The following OPRM1 variants were observed in gnomAD, a reference collection of about 807,000 sequenced individuals.
OPRM1 encodes mu-type opioid receptor.
Under a neutral mutation model 31.8 loss-of-function variants are expected in OPRM1, and 27 were observed. That is an observed-to-expected ratio of 0.85 (90% CI 0.63 to 1.17). The LOEUF is 1.17. OPRM1 is among the 50% of genes most tolerant of loss of function. OPRM1 has a pLI of 0.00. For missense variants in OPRM1, 536 were observed against 511.1 expected (o/e 1.05, Z -0.47); for synonymous variants, 196 against 189.9 (o/e 1.03, Z -0.26).
intron 3 of OPRM1, among the ~76,000 whole-genome samples, chr6:154,111,808 C>G (rs1051590262): frequency 4.0e-5 from 6 of 151,866 alleles, no homozygotes; most frequent in Admixed American, 3.9e-4. Context: ...GCTCTGTCGC[C>G]CAGCTGGAGT....
chr6:154,083,869 G>A (rs932754116), intron 1 of OPRM1, among the ~76,000 whole-genome samples: 3 of 151,204 alleles, frequency 2.0e-5, no homozygotes, highest in South Asian at 2.1e-4. Flanking sequence ...GCGTGAACCC[G>A]GGAGGCGGAG....
At chr6:154,093,921 T>C (rs140454484) in intron 3 of OPRM1, among the ~76,000 whole-genome samples, 12 of 152,334 alleles carry the variant, frequency 7.9e-5, no homozygotes, top group Non-Finnish European at 1.6e-4. Context: ...ATAAAATGAC[T>C]TGAAGGAGAA....
intron 3 of OPRM1, among the ~76,000 whole-genome samples, chr6:154,206,155 G>A (rs1476279077): frequency 6.6e-6 from 1 of 152,152 alleles, no homozygotes; most frequent in African/African-American, 2.4e-5. Flanking sequence ...ATCAAGAGGG[G>A]CAAGTGATAT....
chr6:154,085,907 A>ATTTTT (rs1790440795), intron 1 of OPRM1, among the ~76,000 whole-genome samples: 2 of 65,426 alleles, frequency 3.1e-5, no homozygotes, highest in South Asian at 3.3e-4. Context: ...TTTTTTTTTG[A>ATTTTT]GACAGTGTCT....
At chr6:154,034,680 A>G (rs537917425), upstream of OPRM1, among the ~76,000 whole-genome samples, 2 of 152,318 alleles carry the variant, frequency 1.3e-5, no homozygotes, top group African/African-American at 4.8e-5. Context: ...ATCCTCAATA[A>G]TTTAAAAATG....
chr6:154,204,562 T>C (rs1404084918), intron 3 of OPRM1, among the ~76,000 whole-genome samples: 1 of 152,188 alleles, frequency 6.6e-6, no homozygotes, highest in Non-Finnish European at 1.5e-5. Flanking sequence ...GACCTTGTAA[T>C]AGTACACTCC....
chr6:154,091,955 C>A (rs1583492457), intron 3 of OPRM1: 1 of 985,954 alleles, frequency 1.0e-6, no homozygotes, highest in Non-Finnish European at 1.2e-6. Context: ...AAATTAGCAT[C>A]ATGGAAAAGG....
At chr6:154,237,970 G>A (rs78266930) in intron 3 of OPRM1, among the ~76,000 whole-genome samples, 1,943 of 151,974 alleles carry the variant, frequency 0.013, 48 homozygotes, top group African/African-American at 0.043. Flanking sequence ...TCCTGTTAAC[G>A]ATTTTAAACG....
chr6:154,047,651 T>C (rs509544), intron 1 of OPRM1, among the ~76,000 whole-genome samples: 28,357 of 152,184 alleles, frequency 0.19, 2,949 homozygotes, highest in Admixed American at 0.27. Context: ...TGGGTTTAAA[T>C]GAGAGAGAGA....
chr6:154,199,694 G>A (rs754884121), intron 3 of OPRM1: 2 of 1,611,756 alleles, frequency 1.2e-6, no homozygotes, highest in African/African-American at 2.7e-5. Flanking sequence ...TGATCCAGCA[G>A]GCTTATCTGG....
At position 154,051,114 on chromosome 6, in the gene OPRM1, C is replaced by T. The variant is rs577809637; in HGVS notation, c.290+11280C>T. Reference sequence around the variant, plus strand: ...AAGTCTTATGCTTTTTTCAGTAAAGCTCTAAAACATGGAAAGGAAACTTTT... The same window carrying T: ...AAGTCTTATGCTTTTTTCAGTAAAGTTCTAAAACATGGAAAGGAAACTTTT... On this transcript the variant is annotated intron_variant, in intron 1 of 3. Transcript: ENST00000330432. Among the ~76,000 whole-genome samples the T allele has an allele frequency of 5.3e-5, 8 of 152,212 alleles. No homozygotes were observed. In the South Asian group the frequency reaches 1.7e-3, roughly 32 times the overall value.
In OPRM1 at chr6:154,107,462, T is replaced by C. The variant is rs1306334405; in HGVS notation, c.1165-11221T>C. 1.3e-5 allele frequency: 9 copies of C among 718,466 alleles called. No homozygotes were observed. The Admixed American group carries it at 1.6e-4, about 13-fold the overall frequency. The allele number at this position is 718,466 out of a possible 1,614,324, so 44.5% of individuals were successfully genotyped here. On this transcript the variant is annotated intron_variant, in intron 3 of 3. Transcript: ENST00000330432. ...ATTAAACCAGAAGTGACTTACTTTC[T>C]AGGTGGAATTGAACCTGGACTGTCA...
chr6:154,241,234 C>T (rs920111596), intron 3 of OPRM1, among the ~76,000 whole-genome samples: 2 of 79,234 alleles, frequency 2.5e-5, no homozygotes, highest in African/African-American at 9.5e-5. Flanking sequence ...GACTCCATCT[C>T]AAAAAAAAAA....
In OPRM1 at chr6:154,144,612, G is replaced by C. The variant is rs565837233; in HGVS notation, c.1164+53140G>C. 2.0e-5 allele frequency among the ~76,000 whole-genome samples: 3 copies of C among 152,054 alleles called. No homozygotes were observed. The East Asian group carries it at 5.8e-4, about 29-fold the overall frequency. On this transcript the variant is annotated intron_variant, in intron 3 of 3. Transcript: ENST00000337049. ...AAGTACAAAAAATTAGCTGGGTGTG[G>C]TGGTGGGTGCCTGTAATCCCAGCTA...
intron 3 of OPRM1, among the ~76,000 whole-genome samples, chr6:154,234,202 G>T (rs1340883350): frequency 6.6e-6 from 1 of 152,058 alleles, no homozygotes; most frequent in African/African-American, 2.4e-5. Flanking sequence ...TCTAAAAAAA[G>T]AAAAATACAT....
intron 3 of OPRM1, among the ~76,000 whole-genome samples, chr6:154,109,780 CTCTCTCTCTCTCTG>C (rs961759552): frequency 1.7e-5 from 2 of 116,300 alleles, no homozygotes; most frequent in African/African-American, 3.0e-5. Flanking sequence ...CTCTCTCTCT[CTCTCTCTCTCTCTG>C]TGTGTGTGTG....
chr6:154,104,298 C>A (rs905521745), intron 3 of OPRM1, among the ~76,000 whole-genome samples: 4 of 152,168 alleles, frequency 2.6e-5, no homozygotes, highest in African/African-American at 4.8e-5. Context: ...TCAGCTTGTC[C>A]TGTATTCCTA....
rs1583576504 is a variant in OPRM1, at chr6:154,107,344, G to A, written c.1165-11339G>A. On this transcript the variant is annotated intron_variant, in intron 3 of 3. Coordinates refer to ENST00000330432, the MANE Select transcript of OPRM1 (RefSeq NM_000914.5). ...CAAAAGGCCGGTATTTCTGGCTTTT[G>A]AACTTCACCAAAGGCAACCTCCTTG... The A allele has an allele frequency of 3.2e-6, 2 of 625,772 alleles. No individual in the cohort carries two copies. Among genetic ancestry groups the A allele is most frequent in the Non-Finnish European group, 2.9e-6 (1 of 349,974 alleles). 38.8% of individuals were successfully genotyped at this position (625,772 alleles called of 1,614,324 possible).
chr6:154,166,887 T>C (rs1397816193), intron 3 of OPRM1, among the ~76,000 whole-genome samples: 1 of 152,244 alleles, frequency 6.6e-6, no homozygotes, highest in African/African-American at 2.4e-5. Flanking sequence ...TTATTATCGA[T>C]AAAAATTTTA....
Sources: allele counts gnomAD v4.1 joint callset (sites outside exome capture counted in the v4.1 genomes callset), GRCh38; gene constraint gnomAD v4.1.1; transcripts MANE v1.5; gene names NCBI Gene and HGNC (gene_info 2026-07-23, HGNC 2026-07-21).